Variants in PPARGC1A observed in about 807,000 individuals in gnomAD.
PPARGC1A encodes the protein peroxisome proliferator-activated receptor gamma coactivator 1-alpha.
In PPARGC1A, 25 loss-of-function variants were observed where a neutral mutation model predicts 88.7. That is an observed-to-expected ratio of 0.28 (90% CI 0.21 to 0.39). The LOEUF (loss-of-function observed/expected upper bound fraction) is 0.39, where lower values mean the gene tolerates loss of function less well. Among genes scored for constraint, PPARGC1A ranks in the 10% least tolerant of loss-of-function variants. The pLI is 1.00. For synonymous variants in PPARGC1A, 363 were observed against 355.6 expected (o/e 1.02, Z -0.24); for missense variants, 880 against 968.7 (o/e 0.91, Z 1.22).
the PPARGC1A span, among the ~76,000 whole-genome samples, chr4:24,432,849 C>G: frequency 2.0e-5 from 3 of 152,186 alleles, no homozygotes; most frequent in Admixed American, 2.0e-4. Context: ...CCTTGCGGTT[C>G]CCCTGAACCA....
chr4:24,234,342 G>T, the PPARGC1A span, among the ~76,000 whole-genome samples: 1 of 152,118 alleles, frequency 6.6e-6, no homozygotes, highest in African/African-American at 2.4e-5. Flanking sequence ...CTGCATCTTT[G>T]GGTTTTCTAT....
At chr4:24,169,497 G>T in the PPARGC1A span, among the ~76,000 whole-genome samples, 2 of 152,104 alleles carry the variant, frequency 1.3e-5, no homozygotes, top group African/African-American at 4.8e-5. Context: ...GGCAGGGCAG[G>T]TGGGAACTCT....
chr4:23,927,278 T>G, the PPARGC1A span, among the ~76,000 whole-genome samples: 8 of 152,216 alleles, frequency 5.3e-5, no homozygotes, highest in African/African-American at 1.7e-4. Flanking sequence ...ATACCACTTT[T>G]ACACCATCAT....
chr4:24,178,147 AT>A, the PPARGC1A span, among the ~76,000 whole-genome samples: 3 of 152,278 alleles, frequency 2.0e-5, no homozygotes, highest in African/African-American at 7.2e-5. Flanking sequence ...CATAAATCCT[AT>A]TCATTCATTC....
At chr4:23,939,905 C>T in the PPARGC1A span, among the ~76,000 whole-genome samples, 1 of 152,178 alleles carries the variant, frequency 6.6e-6, no homozygotes, top group African/African-American at 2.4e-5. Context: ...TATTATCCCT[C>T]AACCACAAGG....
chr4:24,115,711 TA>T, the PPARGC1A span, among the ~76,000 whole-genome samples: 1 of 152,176 alleles, frequency 6.6e-6, no homozygotes, highest in Non-Finnish European at 1.5e-5. Context: ...CATAGCATTT[TA>T]ATGCTGACAA....
the PPARGC1A span, among the ~76,000 whole-genome samples, chr4:24,133,841 G>T: frequency 6.6e-6 from 1 of 152,122 alleles, no homozygotes; most frequent in South Asian, 2.1e-4. Context: ...TATTTGCTAG[G>T]TGCTCCTTCT....
chr4:24,244,286 T>G, the PPARGC1A span, among the ~76,000 whole-genome samples: 2 of 152,200 alleles, frequency 1.3e-5, no homozygotes, highest in African/African-American at 4.8e-5. Flanking sequence ...TGCCTTTTAT[T>G]TCTCTACATG....
At chr4:24,290,005 G>C in the PPARGC1A span, among the ~76,000 whole-genome samples, 7 of 152,256 alleles carry the variant, frequency 4.6e-5, no homozygotes, top group Admixed American at 4.6e-4. Flanking sequence ...AGGCAAAAAA[G>C]CTTGTGCAGG....
chr4:24,301,488 G>A, the PPARGC1A span, among the ~76,000 whole-genome samples: 186 of 151,700 alleles, frequency 1.2e-3, 1 homozygote, highest in African/African-American at 3.8e-3. Context: ...AATAGCCTGC[G>A]GTCTATTTAG....
chr4:23,846,296 A>T lies in PPARGC1A; in HGVS notation c.235-14545T>A, dbSNP rs185063887. ...CTCTTCCAACAGTATGATGTTGGAG[A>T]TGAGAAGCCTGACATCCAAAGGGTT... is the stretch of plus-strand genomic sequence containing the variant. On this transcript the variant is annotated intron_variant, in intron 2 of 12. Coordinates refer to ENST00000264867, the MANE Select transcript of PPARGC1A (RefSeq NM_013261.5). Among the ~76,000 whole-genome samples the T allele has an allele frequency of 3.3e-3, 502 of 152,306 alleles. 5 individuals are homozygous for T. The highest frequency in any genetic ancestry group is 7.4e-3 in the Admixed American group (113 of 15,294).
At chr4:23,811,803 A>G (rs1275867262) in intron 10 of PPARGC1A, among the ~76,000 whole-genome samples, 1 of 151,854 alleles carries the variant, frequency 6.6e-6, no homozygotes, top group Non-Finnish European at 1.5e-5. Context: ...GCTGAAATCC[A>G]TAAAATGTCA....
chr4:24,054,366 G>T, the PPARGC1A span, among the ~76,000 whole-genome samples: 1 of 149,308 alleles, frequency 6.7e-6, no homozygotes, highest in South Asian at 2.1e-4. Flanking sequence ...GTCAGAGGAA[G>T]TAACCCATCT....
the PPARGC1A span, among the ~76,000 whole-genome samples, chr4:24,424,519 C>G: frequency 7.9e-5 from 12 of 152,114 alleles, no homozygotes; most frequent in Admixed American, 2.0e-4. Context: ...TCATTATCCT[C>G]CCACCTCTGC....
the PPARGC1A span, among the ~76,000 whole-genome samples, chr4:24,096,209 T>C: frequency 2.6e-5 from 4 of 152,210 alleles, no homozygotes; most frequent in Non-Finnish European, 5.9e-5. Flanking sequence ...TTGCTTCCCC[T>C]TGGCCTTCCA....
chr4:24,067,201 A>T, the PPARGC1A span, among the ~76,000 whole-genome samples: 1 of 152,176 alleles, frequency 6.6e-6, no homozygotes, highest in Non-Finnish European at 1.5e-5. Context: ...TCTCACATTT[A>T]TCAGCTTCTA....
the PPARGC1A span, among the ~76,000 whole-genome samples, chr4:24,199,664 G>A: frequency 2.0e-5 from 3 of 152,220 alleles, no homozygotes; most frequent in Admixed American, 6.5e-5. Context: ...CATCACCCAC[G>A]AGAAATAAAT....
the PPARGC1A span, among the ~76,000 whole-genome samples, chr4:24,297,739 G>GA: frequency 4.4e-4 from 67 of 152,182 alleles, no homozygotes; most frequent in African/African-American, 1.4e-3. Context: ...CTGTACACCA[G>GA]AAAAAATGGC....
chr4:24,141,304 G>A, the PPARGC1A span, among the ~76,000 whole-genome samples: 5 of 152,250 alleles, frequency 3.3e-5, no homozygotes, highest in Non-Finnish European at 7.3e-5. Flanking sequence ...TGCCTACGCA[G>A]AGTTTGCCCA....
Sources: gnomAD v4.1 joint callset for allele counts (sites outside exome capture counted in the v4.1 genomes callset) on GRCh38, gnomAD v4.1.1 for gene constraint, MANE v1.5 for transcripts, NCBI Gene and HGNC (gene_info 2026-07-23, HGNC 2026-07-21) for gene names.